Variants in DNAJC3 observed in about 807,000 individuals in gnomAD.
DNAJC3 encodes the protein dnaJ homolog subfamily C member 3.
A neutral mutation model predicts 68.6 loss-of-function variants in DNAJC3; 38 were observed. The observed-to-expected ratio is 0.55, with a 90% CI of 0.43 to 0.73. The LOEUF is 0.73. DNAJC3 is among the 30% of genes least tolerant of loss of function. The pLI, the probability that DNAJC3 is intolerant of heterozygous loss-of-function variation, is 0.00. For synonymous variants in DNAJC3, 203 were observed against 204.0 expected, an observed-to-expected ratio of 1.00 and a Z score of 0.04; for missense variants, 526 against 591.9, an observed-to-expected ratio of 0.89 and a Z score of 1.16.
At chr13:95,755,617 C>A (rs1882632017) in intron 4 of DNAJC3, among the ~76,000 whole-genome samples, 1 of 150,862 alleles carries the variant, frequency 6.6e-6, no homozygotes, top group Non-Finnish European at 1.5e-5. Context: ...ATTAGCCGGG[C>A]ATGGTGGCGG....
At chr13:95,710,385 T>C (rs1276587994) in intron 2 of DNAJC3, among the ~76,000 whole-genome samples, 3 of 152,002 alleles carry the variant, frequency 2.0e-5, no homozygotes, top group Non-Finnish European at 4.4e-5. Context: ...CCAACTACTT[T>C]TTACAACTTT....
At chr13:95,790,828 T>C (rs1266005374) in intron 11 of DNAJC3, 45 bp from the exon 12 acceptor site, 1 of 1,430,340 alleles carries the variant, frequency 7.0e-7, no homozygotes. Flanking sequence ...CCTGCCCCTA[T>C]ACCTTAGATA....
At chr13:95,741,468 C>T (rs1450939746) in intron 4 of DNAJC3, among the ~76,000 whole-genome samples, 1 of 152,202 alleles carries the variant, frequency 6.6e-6, no homozygotes, top group Non-Finnish European at 1.5e-5. Context: ...ACAGGCCAAA[C>T]ATGCCTAACT....
At chr13:95,703,698 A>G (rs1159477573) in intron 1 of DNAJC3, among the ~76,000 whole-genome samples, 2 of 152,206 alleles carry the variant, frequency 1.3e-5, no homozygotes, top group Admixed American at 6.5e-5. Context: ...AATCAAAGAG[A>G]AAATATGCAA....
intron 4 of DNAJC3, among the ~76,000 whole-genome samples, chr13:95,749,144 T>C (rs966991518): frequency 3.9e-5 from 6 of 152,268 alleles, no homozygotes; most frequent in Admixed American, 6.5e-5. Flanking sequence ...AAAGAACTGT[T>C]TGAGACTTAG....
chr13:95,702,465 GC>G (rs1880611164), intron 1 of DNAJC3, among the ~76,000 whole-genome samples: 1 of 152,162 alleles, frequency 6.6e-6, no homozygotes, highest in Non-Finnish European at 1.5e-5. Context: ...TTCCCCTCAT[GC>G]CCCCAATTCA....
intron 4 of DNAJC3, among the ~76,000 whole-genome samples, chr13:95,743,833 A>T (rs1375233090): frequency 5.3e-5 from 8 of 152,198 alleles, no homozygotes; most frequent in Non-Finnish European, 1.2e-4. Context: ...TGCTGGGATT[A>T]TGGGCCTGAA....
chr13:95,692,620 C>G (rs1342609097), intron 1 of DNAJC3: 1 of 152,096 alleles, frequency 6.6e-6, no homozygotes, highest in Non-Finnish European at 1.5e-5. Flanking sequence ...TGCTTCTATC[C>G]CCTAATAGAA....
intron 9 of DNAJC3, among the ~76,000 whole-genome samples, chr13:95,776,113 T>G (rs2139688421): frequency 6.6e-6 from 1 of 152,096 alleles, no homozygotes; most frequent in South Asian, 2.1e-4. Flanking sequence ...CCTTTCTGGG[T>G]TTTTCTGTCT....
At chr13:95,789,817 T>C (rs1165706870) in intron 11 of DNAJC3, among the ~76,000 whole-genome samples, 1 of 152,226 alleles carries the variant, frequency 6.6e-6, no homozygotes, top group Non-Finnish European at 1.5e-5. Context: ...CTATTTTTTT[T>C]ACTTTTTAAT....
chr13:95,743,015 G>A (rs973868267), intron 4 of DNAJC3: 14 of 376,614 alleles, frequency 3.7e-5, no homozygotes, highest in African/African-American at 2.1e-4. Flanking sequence ...GATTGCTTCA[G>A]CACCATATTT....
chr13:95,677,319 G>A lies in DNAJC3; in HGVS notation c.64G>A (p.Val22Met). The change falls in exon 1 of 12, where the codon GTG (valine) becomes ATG (methionine). Residue 22 changes from valine (V) to methionine (M), a missense_variant. Transcript: ENST00000602402. ...GGTATTCCCCTTCCTGCTAGTCCTGGTGGATCTGCAGTACGAAGGTGAGTC... is the reference window on the plus strand; with the variant it reads ...GGTATTCCCCTTCCTGCTAGTCCTGATGGATCTGCAGTACGAAGGTGAGTC... ...GSVFPFLLVL[V>M]DLQYEGAECG... 1 of 1,599,300 alleles carries A rather than the reference G, an allele frequency of 6.3e-7. No homozygotes were observed. Among genetic ancestry groups the A allele is most frequent in the Non-Finnish European group, 8.5e-7 (1 of 1,174,300 alleles).
intron 1 of DNAJC3, among the ~76,000 whole-genome samples, chr13:95,690,230 A>T (rs1477037027): frequency 6.6e-6 from 1 of 152,078 alleles, no homozygotes; most frequent in African/African-American, 2.4e-5. Context: ...AACAAAGCAC[A>T]TCTTGCACCG....
chr13:95,724,132 A>G (rs149328615), intron 3 of DNAJC3, among the ~76,000 whole-genome samples: 2 of 152,348 alleles, frequency 1.3e-5, no homozygotes, highest in East Asian at 3.9e-4. Flanking sequence ...CCCAAATCTC[A>G]AATATTTTTC....
At chr13:95,731,445 G>C (rs1208741723) in intron 4 of DNAJC3, among the ~76,000 whole-genome samples, 1 of 152,058 alleles carries the variant, frequency 6.6e-6, no homozygotes, top group Admixed American at 6.5e-5. Flanking sequence ...TTGTCATAAT[G>C]GTCTTTATTT....
rs73554998 is a variant in DNAJC3, at chr13:95,785,848, G to T, written c.1076-91G>T. ...TGGCCAAAGAGTGAAGGGGTTGGGG[G>T]ATGACGACTTTAGCATCAATTTTAC... On this transcript the variant is annotated intron_variant, in intron 9 of 11. Transcript: ENST00000602402. 3.0e-3 allele frequency: 3,734 copies of T among 1,243,998 alleles called. 103 individuals are homozygous for T. In the African/African-American group the frequency reaches 0.052, roughly 17 times the overall value. 77.1% of individuals were successfully genotyped at this position (1,243,998 alleles called of 1,614,324 possible).
At chr13:95,686,191 G>A (rs548614584) in intron 1 of DNAJC3, among the ~76,000 whole-genome samples, 7 of 152,066 alleles carry the variant, frequency 4.6e-5, no homozygotes, top group East Asian at 1.9e-4. Flanking sequence ...TTGATCTCCC[G>A]ACCTTGTGAG....
intron 2 of DNAJC3, among the ~76,000 whole-genome samples, chr13:95,716,884 C>T (rs1208194280): frequency 6.6e-6 from 1 of 152,120 alleles, no homozygotes; most frequent in Non-Finnish European, 1.5e-5. Context: ...AACATTTGGG[C>T]ATGAAAACAG....
At chr13:95,749,006 C>A (rs1034096083) in intron 4 of DNAJC3, among the ~76,000 whole-genome samples, 1 of 152,128 alleles carries the variant, frequency 6.6e-6, no homozygotes, top group Non-Finnish European at 1.5e-5. Flanking sequence ...AATACTGGAT[C>A]ACATACTGTA....
Sources: allele counts gnomAD v4.1 joint callset (sites outside exome capture counted in the v4.1 genomes callset), GRCh38; gene constraint gnomAD v4.1.1; transcripts MANE v1.5; gene names NCBI Gene and HGNC (gene_info 2026-07-23, HGNC 2026-07-21).